PRSS23: variants seen among roughly 807,000 people sequenced by gnomAD.
PRSS23 encodes serine protease 23, also known as protease, serine 23.
A neutral mutation model predicts 34.7 loss-of-function variants in PRSS23; 25 were observed. The ratio of observed to expected loss-of-function variants is 0.72; its 90% CI spans 0.53 to 1.01. The LOEUF (loss-of-function observed/expected upper bound fraction) is 1.01, where lower values mean the gene tolerates loss of function less well. Ranked by LOEUF, PRSS23 falls within the 50% of genes least tolerant of loss-of-function variation. PRSS23 has a pLI of 0.00. For missense variants in PRSS23, 445 were observed against 475.6 expected, an observed-to-expected ratio of 0.94 and a Z score of 0.60; for synonymous variants, 176 against 186.6, an observed-to-expected ratio of 0.94 and a Z score of 0.46.
intron 2 of PRSS23, among the ~76,000 whole-genome samples, chr11:86,914,032 C>A (rs1258902146): frequency 8.9e-6 from 1 of 111,862 alleles, no homozygotes; most frequent in African/African-American, 3.6e-5. Context: ...TGGTGAAACA[C>A]CATCTCTACT....
At chr11:86,919,152 G>T (rs962230394) in intron 2 of PRSS23, among the ~76,000 whole-genome samples, 3 of 152,176 alleles carry the variant, frequency 2.0e-5, no homozygotes, top group Non-Finnish European at 4.4e-5. Context: ...CCAAGCAGCG[G>T]GGCCCAGAAA....
At position 86,828,255 on chromosome 11, in the gene PRSS23, TC is replaced by T. The variant is rs1565357859; in HGVS notation, c.206+4663del. Among the ~76,000 whole-genome samples, 3 of 152,330 alleles carry T rather than the reference TC, an allele frequency of 2.0e-5. No homozygotes were observed. The South Asian group carries it at 6.2e-4, about 32-fold the overall frequency. On this transcript the variant is annotated intron_variant, in intron 2 of 2. Transcript: ENST00000533902. ...TCCCTTTACTATTACGTAATGGCCTTCTTTGTCTCTTTTGATTTTTGTTGGT... is the reference window on the plus strand; with the variant it reads ...TCCCTTTACTATTACGTAATGGCCTTTTTGTCTCTTTTGATTTTTGTTGGT...
At chr11:86,925,462 C>T (rs981493082) in intron 2 of PRSS23, among the ~76,000 whole-genome samples, 1 of 152,088 alleles carries the variant, frequency 6.6e-6, no homozygotes, top group Non-Finnish European at 1.5e-5. Flanking sequence ...TTAATAGTAG[C>T]AGGGTTGCCA....
rs184254393 is a variant in PRSS23 at position 86,833,573 on chromosome 11, C to T, written c.206+9980C>T. On this transcript the variant is annotated intron_variant, in intron 2 of 2. Coordinates refer to the PRSS23 transcript ENST00000533902. ...CCATAGAGGGTAGCCATTGCTGGCTCGAATGCCTGGGTTTATATCCAGATC... is the reference window on the plus strand; with the variant it reads ...CCATAGAGGGTAGCCATTGCTGGCTTGAATGCCTGGGTTTATATCCAGATC... 1.6e-3 allele frequency: 351 copies of T among 225,116 alleles called. 3 individuals are homozygous for T. Among genetic ancestry groups the T allele is most frequent in the African/African-American group, 7.4e-3 (323 of 43,386 alleles). 13.9% of individuals were successfully genotyped at this position (225,116 alleles called of 1,614,324 possible).
At chr11:86,890,084 A>T (rs56271705) in intron 2 of PRSS23, among the ~76,000 whole-genome samples, 1 of 151,948 alleles carries the variant, frequency 6.6e-6, no homozygotes, top group African/African-American at 2.4e-5. Context: ...CCTGGCCAAC[A>T]TGGTGAAACT....
At chr11:86,851,429 G>T (rs1465769172) in intron 2 of PRSS23, among the ~76,000 whole-genome samples, 5 of 152,182 alleles carry the variant, frequency 3.3e-5, no homozygotes, top group Non-Finnish European at 7.3e-5. Flanking sequence ...GCATCCACTG[G>T]TCTAGCTGTG....
intron 2 of PRSS23, among the ~76,000 whole-genome samples, chr11:86,833,805 C>G (rs2134893036): frequency 6.6e-6 from 1 of 152,292 alleles, no homozygotes; most frequent in South Asian, 2.1e-4. Flanking sequence ...AGTCCTGTCT[C>G]TCAGTCCCCC....
intron 2 of PRSS23, among the ~76,000 whole-genome samples, chr11:86,901,933 T>C (rs1318140314): frequency 2.0e-5 from 3 of 151,904 alleles, no homozygotes; most frequent in Admixed American, 6.6e-5. Flanking sequence ...TGGGGGAAAA[T>C]AGATAAAAAG....
intron 2 of PRSS23, chr11:86,836,751 T>C (rs1316667753): frequency 6.6e-6 from 1 of 152,170 alleles, no homozygotes; most frequent in Non-Finnish European, 1.5e-5. Flanking sequence ...TGGCTGTCAA[T>C]GGTCAAGCAT....
At chr11:86,905,745 C>T (rs569219618) in intron 2 of PRSS23, among the ~76,000 whole-genome samples, 3 of 152,302 alleles carry the variant, frequency 2.0e-5, no homozygotes, top group East Asian at 1.9e-4. Context: ...CAGGAATAGA[C>T]GTCTGAGTCC....
chr11:86,923,045 T>C (rs948003749), intron 2 of PRSS23, among the ~76,000 whole-genome samples: 3 of 152,190 alleles, frequency 2.0e-5, no homozygotes, highest in Non-Finnish European at 2.9e-5. Flanking sequence ...TTAATTTTTA[T>C]ATCCATTACA....
At chr11:86,833,347 A>G (rs1402481579) in intron 2 of PRSS23, 6 of 921,392 alleles carry the variant, frequency 6.5e-6, no homozygotes, top group Non-Finnish European at 1.1e-5. Flanking sequence ...CTCCAGCACC[A>G]TGACTAGGTA....
At chr11:86,820,210 A>C (rs1948242861) in intron 1 of PRSS23, among the ~76,000 whole-genome samples, 1 of 152,218 alleles carries the variant, frequency 6.6e-6, no homozygotes, top group African/African-American at 2.4e-5. Context: ...GAAGAGTCAA[A>C]ATTTTAAGGA....
chr11:86,825,964 G>A (rs1314703320), intron 2 of PRSS23, among the ~76,000 whole-genome samples: 2 of 152,206 alleles, frequency 1.3e-5, no homozygotes, highest in East Asian at 1.9e-4. Context: ...GGCAATGCGG[G>A]ATCTTTTTGG....
chr11:86,939,418 A>AT (rs1565392791), intron 2 of PRSS23, among the ~76,000 whole-genome samples: 1 of 87,016 alleles, frequency 1.1e-5, no homozygotes, highest in African/African-American at 3.6e-5. Context: ...ATATATATAT[A>AT]TATATATATT....
At chr11:86,821,536 G>A in intron 1 of PRSS23, 2 of 1,611,066 alleles carry the variant, frequency 1.2e-6, no homozygotes, top group Admixed American at 1.7e-5. Flanking sequence ...TCATTTGAGT[G>A]CAAGTATCTG....
intron 2 of PRSS23, among the ~76,000 whole-genome samples, chr11:86,897,060 T>G (rs1948881781): frequency 6.6e-6 from 1 of 152,224 alleles, no homozygotes; most frequent in Non-Finnish European, 1.5e-5. Context: ...ATAAAATGGC[T>G]AATAAATATT....
At chr11:86,826,164 G>A (rs1484733885) in intron 2 of PRSS23, among the ~76,000 whole-genome samples, 1 of 151,774 alleles carries the variant, frequency 6.6e-6, no homozygotes, top group Non-Finnish European at 1.5e-5. Flanking sequence ...CTTGAGCAGT[G>A]GTTTGTAGTT....
At chr11:86,951,603 C>A (rs745451086) in exon 3 of PRSS23, 1 of 1,614,120 alleles carries the variant, frequency 6.2e-7, no homozygotes. Context: ...GTGAGGGCAT[C>A]GAGATTTTGG....
Sources: allele counts gnomAD v4.1 joint callset (sites outside exome capture counted in the v4.1 genomes callset), GRCh38; gene constraint gnomAD v4.1.1; transcripts MANE v1.5; gene names NCBI Gene and HGNC (gene_info 2026-07-23, HGNC 2026-07-21).